NPLOC4: variants seen among roughly 807,000 people sequenced by gnomAD.
NPLOC4 encodes the protein NPL4 homolog, ubiquitin recognition factor.
Under a neutral mutation model 80.6 loss-of-function variants are expected in NPLOC4, and 18 were observed. The observed-to-expected ratio is 0.22, with a 90% CI of 0.15 to 0.33. The LOEUF (loss-of-function observed/expected upper bound fraction) is 0.33. Among genes scored for constraint, NPLOC4 ranks in the 10% least tolerant of loss-of-function variants. NPLOC4 has a pLI of 1.00. For synonymous variants in NPLOC4, 313 were observed against 301.5 expected, an observed-to-expected ratio of 1.04 and a Z score of -0.39; for missense variants, 540 against 786.1, an observed-to-expected ratio of 0.69 and a Z score of 3.74.
intron 16 of NPLOC4, 24 bp from the exon 17 acceptor site, chr17:81,559,440 C>T: frequency 6.3e-7 from 1 of 1,597,478 alleles, no homozygotes; most frequent in Non-Finnish European, 8.5e-7. Flanking sequence ...GAGAAATGAG[C>T]ACTCATCATT....
chr17:81,595,165 T>C (rs2034865536), intron 11 of NPLOC4, among the ~76,000 whole-genome samples: 1 of 152,044 alleles, frequency 6.6e-6, no homozygotes. Context: ...CAAAATGCTA[T>C]GATTACAGAT....
chr17:81,618,229 C>T (rs1182826908), intron 3 of NPLOC4, among the ~76,000 whole-genome samples: 7 of 151,644 alleles, frequency 4.6e-5, no homozygotes, highest in African/African-American at 1.5e-4. Flanking sequence ...TCTTTCCGGC[C>T]GCCATCCCAT....
chr17:81,608,295 G>C (rs572743231), intron 6 of NPLOC4, among the ~76,000 whole-genome samples: 1 of 152,240 alleles, frequency 6.6e-6, no homozygotes, highest in African/African-American at 2.4e-5. Flanking sequence ...AGAATCAACA[G>C]GCCACCATCA....
intron 6 of NPLOC4, among the ~76,000 whole-genome samples, chr17:81,608,401 CT>C (rs2035259235): frequency 6.6e-6 from 1 of 152,160 alleles, no homozygotes; most frequent in Admixed American, 6.6e-5. Flanking sequence ...GTCGCTCTGC[CT>C]TGCTAGCTCC....
intron 2 of NPLOC4, among the ~76,000 whole-genome samples, chr17:81,625,258 C>T (rs988292620): frequency 3.3e-5 from 5 of 152,072 alleles, no homozygotes; most frequent in Non-Finnish European, 4.4e-5. Context: ...AAAGGAAAGG[C>T]TAAAAAAGGA....
chr17:81,586,734 CCAATGAGA>C (rs1288787920), intron 12 of NPLOC4, among the ~76,000 whole-genome samples: 1 of 152,148 alleles, frequency 6.6e-6, no homozygotes, highest in Non-Finnish European at 1.5e-5. Context: ...CCTTTCAGGG[CCAATGAGA>C]CAAAGATTTA....
chr17:81,633,046 C>T (rs974466019), intron 1 of NPLOC4, among the ~76,000 whole-genome samples: 9 of 147,464 alleles, frequency 6.1e-5, no homozygotes, highest in South Asian at 2.1e-4. Context: ...AGGAGAATGG[C>T]GTGAACCCAG....
intron 12 of NPLOC4, among the ~76,000 whole-genome samples, chr17:81,581,618 C>T (rs1030173103): frequency 1.3e-5 from 2 of 152,184 alleles, no homozygotes; most frequent in Admixed American, 6.5e-5. Context: ...CTCACTCCCC[C>T]ACAACGATTA....
chr17:81,583,946 T>C (rs772999332), intron 12 of NPLOC4, among the ~76,000 whole-genome samples: 5 of 152,266 alleles, frequency 3.3e-5, no homozygotes, highest in Non-Finnish European at 5.9e-5. Context: ...TTCTAAGTTT[T>C]ACCCCTTATC....
chr17:81,573,333 A>G (rs1172442187), intron 12 of NPLOC4, among the ~76,000 whole-genome samples: 2 of 152,126 alleles, frequency 1.3e-5, no homozygotes, highest in Non-Finnish European at 2.9e-5. Context: ...CACCCCCATC[A>G]CAACCACACC....
At chr17:81,618,706 C>T (rs978323300) in intron 3 of NPLOC4, among the ~76,000 whole-genome samples, 2 of 151,584 alleles carry the variant, frequency 1.3e-5, no homozygotes, top group African/African-American at 4.8e-5. Context: ...GGGAGGTGTA[C>T]CCAACAGCTC....
At chr17:81,566,077 T>C (rs1181108698) in intron 15 of NPLOC4, among the ~76,000 whole-genome samples, 1 of 152,230 alleles carries the variant, frequency 6.6e-6, no homozygotes, top group Non-Finnish European at 1.5e-5. Context: ...CTCACGCCTG[T>C]AATCCCAACA....
intron 12 of NPLOC4, among the ~76,000 whole-genome samples, chr17:81,581,443 C>T (rs917772433): frequency 7.5e-5 from 11 of 145,772 alleles, no homozygotes; most frequent in African/African-American, 2.5e-4. Context: ...CCAATTGTTA[C>T]TTGTCCTCAA....
intron 12 of NPLOC4, among the ~76,000 whole-genome samples, chr17:81,588,632 G>C (rs188525543): frequency 6.6e-6 from 1 of 152,364 alleles, no homozygotes; most frequent in East Asian, 1.9e-4. Context: ...ACAGGCATGA[G>C]CCACCATGCC....
At position 81,565,624 on chromosome 17, in the gene NPLOC4, G is replaced by C. The variant is rs1202641755; in HGVS notation, c.1567-17C>G. ...GATGCTGTCCTACAAGAAGCCAAAA[G>C]GAAGGTTCCTCTTCGCTGTGCCTAA... On this transcript the variant is annotated splice_polypyrimidine_tract_variant and intron_variant, in intron 15 of 16. Coordinates refer to ENST00000331134, the MANE Select transcript of NPLOC4 (RefSeq NM_017921.4). 1.3e-6 allele frequency: 2 copies of C among 1,530,976 alleles called. No individual in the cohort carries two copies. The highest frequency in any genetic ancestry group is 2.2e-5 in the Admixed American group (1 of 45,452). The allele number at this position is 1,530,976 out of a possible 1,614,324, so 94.8% of individuals were successfully genotyped here. A position where few individuals can be genotyped will look rare whatever the true frequency, so the allele number is the denominator to read the frequency against.
rs143530846 is a variant in NPLOC4, at chr17:81,584,472, A to G, written c.1281+4472T>C. On this transcript the variant is annotated intron_variant, in intron 12 of 16. Coordinates refer to ENST00000331134, the MANE Select transcript of NPLOC4 (RefSeq NM_017921.4). ...AAAGGGTATTTAAAAATAATCCTAC[A>G]GCAAACTCACAGTTAATGATAAAAT... is the stretch of plus-strand genomic sequence containing the variant. Among the ~76,000 whole-genome samples the G allele has an allele frequency of 3.5e-3, 527 of 152,346 alleles. 1 individual carries two copies. The highest frequency in any genetic ancestry group is 5.6e-3 in the Non-Finnish European group (382 of 68,036).
intron 3 of NPLOC4, among the ~76,000 whole-genome samples, chr17:81,619,878 CAA>C (rs1216157250): frequency 5.9e-5 from 7 of 118,830 alleles, no homozygotes; most frequent in African/African-American, 9.4e-5. Flanking sequence ...GACTCCGTCT[CAA>C]AAAAAAAAAA....
chr17:81,609,303 C>A (rs2035284553), intron 5 of NPLOC4, among the ~76,000 whole-genome samples: 1 of 152,058 alleles, frequency 6.6e-6, no homozygotes, highest in African/African-American at 2.4e-5. Flanking sequence ...CAGGCGTGAG[C>A]CACTGAGTCT....
rs2034939727 is a variant in NPLOC4 at position 81,597,391 on chromosome 17, C to T, written c.922-75G>A. On this transcript the variant is annotated intron_variant, in intron 9 of 16. Transcript: ENST00000331134. ...AATGGCTGGGCGCAGTGACTCACGC[C>T]TATAATCACAGCACTTTGAGAGGCC... The T allele has an allele frequency of 3.4e-6, 4 of 1,165,800 alleles. No individual in the cohort carries two copies. In the East Asian group the frequency reaches 9.4e-5, roughly 27 times the overall value. The allele number at this position is 1,165,800 out of a possible 1,614,324, so 72.2% of individuals were successfully genotyped here. A position where few individuals can be genotyped will look rare whatever the true frequency, so the allele number is the denominator to read the frequency against.
Sources: gnomAD v4.1 joint callset for allele counts (sites outside exome capture counted in the v4.1 genomes callset) on GRCh38, gnomAD v4.1.1 for gene constraint, MANE v1.5 for transcripts, NCBI Gene and HGNC (gene_info 2026-07-23, HGNC 2026-07-21) for gene names.